UBE2V1: variants seen among roughly 807,000 people sequenced by gnomAD.
The protein encoded by UBE2V1 is ubiquitin conjugating enzyme E2 V1.
UBE2V1 carries 15 observed loss-of-function variants against 19.6 expected under a neutral mutation model. The ratio of observed to expected loss-of-function variants is 0.77; its 90% CI spans 0.51 to 1.18. UBE2V1 has a LOEUF of 1.18. Ranked by LOEUF, UBE2V1 falls within the 50% of genes most tolerant of loss-of-function variation. The pLI, the probability that UBE2V1 is intolerant of heterozygous loss-of-function variation, is 0.00. For synonymous variants in UBE2V1, 60 were observed against 60.7 expected, an observed-to-expected ratio of 0.99 and a Z score of 0.05; for missense variants, 125 against 184.8, an observed-to-expected ratio of 0.68 and a Z score of 1.88.
rs925540399 is a variant in UBE2V1, at chr20:50,096,881, A to T, written c.23-61T>A. 3.1e-6 allele frequency: 5 copies of T among 1,597,324 alleles called. No homozygotes were observed. The African/African-American group carries it at 6.7e-5, about 22-fold the overall frequency. On this transcript the variant is annotated intron_variant, in intron 1 of 3. Coordinates refer to ENST00000371674, the MANE Select transcript of UBE2V1 (RefSeq NM_001032288.3). ...ACTCCAGGGGAACTTGTAAGCCTAG[A>T]GCTAGCTGCTCATTATCTCTCCCTG...
chr20:50,091,494 C>T (rs942531637), intron 2 of UBE2V1, among the ~76,000 whole-genome samples: 4 of 150,128 alleles, frequency 2.7e-5, no homozygotes, highest in African/African-American at 9.9e-5. Flanking sequence ...CTCTACCTCC[C>T]AGGTTCAAGT....
At chr20:50,096,602 C>G in intron 2 of UBE2V1, 70 bp downstream of exon 2, 1 of 1,607,352 alleles carries the variant, frequency 6.2e-7, no homozygotes, top group South Asian at 1.1e-5. Context: ...CGTGATAAGG[C>G]TAATATTTTT....
chr20:50,107,237 T>C (rs1043345584), intron 1 of UBE2V1, among the ~76,000 whole-genome samples: 1 of 152,178 alleles, frequency 6.6e-6, no homozygotes, highest in African/African-American at 2.4e-5. Flanking sequence ...CATTCTCAGG[T>C]CTTCAGCCCA....
chr20:50,096,550 T>C, intron 2 of UBE2V1, 122 bp downstream of exon 2: 11 of 1,598,196 alleles, frequency 6.9e-6, no homozygotes, highest in Non-Finnish European at 9.4e-6. Flanking sequence ...CAAAAAAGAA[T>C]AGCCACATTT....
chr20:50,111,296 C>T, intron 1 of UBE2V1: 1 of 989,150 alleles, frequency 1.0e-6, no homozygotes, highest in Non-Finnish European at 1.2e-6. Context: ...CACTTTTTAA[C>T]TGTCAGGGTC....
intron 2 of UBE2V1, among the ~76,000 whole-genome samples, chr20:50,088,371 G>A (rs542500818): frequency 2.6e-5 from 4 of 152,316 alleles, no homozygotes; most frequent in Non-Finnish European, 2.9e-5. Context: ...TTTATTGGTT[G>A]TGACAAATGT....
In UBE2V1 at chr20:50,084,125, T is replaced by C. The variant is rs1303346849; in HGVS notation, c.297+4A>G. The C allele has an allele frequency of 6.3e-7, 1 of 1,575,164 alleles. No individual in the cohort carries two copies. The highest frequency in any genetic ancestry group is 1.4e-5 in the African/African-American group (1 of 73,086). Reference sequence around the variant, plus strand: ...GAACAAGTGGGACAGAGAAAACAACTTACCACTCCATTAGAACTATTTACT... The same window carrying C: ...GAACAAGTGGGACAGAGAAAACAACCTACCACTCCATTAGAACTATTTACT... On this transcript the variant is annotated splice_donor_region_variant and intron_variant, in intron 3 of 3. Transcript: ENST00000371674.
intron 1 of UBE2V1, among the ~76,000 whole-genome samples, chr20:50,111,136 T>C (rs957953997): frequency 6.6e-6 from 1 of 152,238 alleles, no homozygotes; most frequent in African/African-American, 2.4e-5. Context: ...TAAATATCTG[T>C]TGAATAAACA....
chr20:50,084,231 G>A lies in UBE2V1; in HGVS notation c.195C>T (p.Tyr65=). 1 of 1,611,596 alleles carries A rather than the reference G, an allele frequency of 6.2e-7. No individual in the cohort carries two copies. The highest frequency in any genetic ancestry group is 8.5e-7 in the Non-Finnish European group (1 of 1,178,570). ...PPRTIYENRI[Y]SLKIECGPKY... The stretch of plus-strand genomic sequence containing the variant: ...TAGGTCCACATTCTATTTTAAGGCT[G>A]TATATTCGGTTTTCATAAATTGTCT... The change falls in exon 3 of 4, where the codon TAC becomes TAT. Residue 65 remains tyrosine, a synonymous_variant. Coordinates refer to ENST00000371674, the MANE Select transcript of UBE2V1 (RefSeq NM_001032288.3).
At chr20:50,095,865 C>T (rs1437335484) in intron 2 of UBE2V1, 1 of 152,212 alleles carries the variant, frequency 6.6e-6, no homozygotes, top group Non-Finnish European at 1.5e-5. Context: ...AAAAGGGAGA[C>T]ACCACAGCAC....
At chr20:50,084,624 A>T in intron 2 of UBE2V1, 5 of 449,984 alleles carry the variant, frequency 1.1e-5, no homozygotes, top group South Asian at 8.0e-5. Flanking sequence ...CACCAGGATC[A>T]TCAGCCAATC....
chr20:50,099,894 C>T (rs951878054), intron 1 of UBE2V1, among the ~76,000 whole-genome samples: 7 of 152,166 alleles, frequency 4.6e-5, no homozygotes, highest in Admixed American at 2.0e-4. Flanking sequence ...GCCAGGAGTT[C>T]GAGATCAGCC....
chr20:50,100,780 G>A (rs1307108171), intron 1 of UBE2V1, among the ~76,000 whole-genome samples: 2 of 152,158 alleles, frequency 1.3e-5, no homozygotes, highest in East Asian at 3.8e-4. Flanking sequence ...TTTATAGTAG[G>A]ACTATTCCTC....
intron 1 of UBE2V1, among the ~76,000 whole-genome samples, chr20:50,101,015 G>C (rs914461240): frequency 4.6e-5 from 7 of 152,144 alleles, no homozygotes; most frequent in Admixed American, 3.9e-4. Flanking sequence ...ATTTCTACTG[G>C]ATTAGATATT....
At chr20:50,114,175 T>C (rs2080939174), upstream of UBE2V1, among the ~76,000 whole-genome samples, 1 of 152,164 alleles carries the variant, frequency 6.6e-6, no homozygotes, top group African/African-American at 2.4e-5. Context: ...TATATGGATG[T>C]AGACACTGAG....
rs1214737626 is a variant in UBE2V1 at position 50,098,921 on chromosome 20, CACAGCAGCCA to C, written c.23-2111_23-2102del. On this transcript the variant is annotated intron_variant, in intron 1 of 3. Transcript: ENST00000371674. The stretch of plus-strand genomic sequence containing the variant: ...TGGAAAACACTGGCATTTTCATCTG[CACAGCAGCCA>C]ACTGGATTATTCAGCTATACTGGAT... The C allele has an allele frequency of 1.2e-5, 12 of 985,306 alleles. No homozygotes were observed. In the East Asian group the frequency reaches 1.2e-3, roughly 102 times the overall value. 61.0% of individuals were successfully genotyped at this position (985,306 alleles called of 1,614,324 possible).
chr20:50,094,654 A>G (rs1388149045), intron 2 of UBE2V1, among the ~76,000 whole-genome samples: 1 of 152,186 alleles, frequency 6.6e-6, no homozygotes, highest in Non-Finnish European at 1.5e-5. Flanking sequence ...AATTCCATTT[A>G]TAATAGATGT....
intron 2 of UBE2V1, among the ~76,000 whole-genome samples, chr20:50,086,182 C>T (rs1446210729): frequency 2.2e-4 from 33 of 152,156 alleles, no homozygotes; most frequent in Non-Finnish European, 1.5e-5. Context: ...CTTCTCCCTC[C>T]CCTGCCCACC....
chr20:50,089,088 A>G (rs1486339463), intron 2 of UBE2V1, among the ~76,000 whole-genome samples: 1 of 152,200 alleles, frequency 6.6e-6, no homozygotes, highest in Non-Finnish European at 1.5e-5. Flanking sequence ...TTAATATAAG[A>G]CATTGCTTAA....
Sources: gnomAD v4.1 joint callset for allele counts (sites outside exome capture counted in the v4.1 genomes callset) on GRCh38, gnomAD v4.1.1 for gene constraint, MANE v1.5 for transcripts, NCBI Gene and HGNC (gene_info 2026-07-23, HGNC 2026-07-21) for gene names.